The following PCDH7 variants were observed in gnomAD, a reference collection of about 807,000 sequenced individuals.
PCDH7 encodes protocadherin-7.
PCDH7 carries 17 observed loss-of-function variants against 58.9 expected under a neutral mutation model. The observed-to-expected ratio is 0.29, with a 90% CI of 0.20 to 0.43. The LOEUF (loss-of-function observed/expected upper bound fraction) is 0.43. Among genes scored for constraint, PCDH7 ranks in the 20% least tolerant of loss-of-function variants. The pLI is 1.00. For missense variants in PCDH7, 1,274 were observed against 1,441.0 expected, an observed-to-expected ratio of 0.88 and a Z score of 1.88; for synonymous variants, 664 against 616.4, an observed-to-expected ratio of 1.08 and a Z score of -1.14.
intron 3 of PCDH7, among the ~76,000 whole-genome samples, chr4:30,975,247 CATTA>C (rs1749971559): frequency 6.7e-6 from 1 of 150,244 alleles, no homozygotes; most frequent in Non-Finnish European, 1.5e-5. Context: ...TTTCAATGAA[CATTA>C]ATTGTCTGCA....
chr4:31,080,249 A>C (rs2109267433), intron 3 of PCDH7, among the ~76,000 whole-genome samples: 1 of 150,436 alleles, frequency 6.6e-6, no homozygotes, highest in Non-Finnish European at 1.5e-5. Flanking sequence ...CCCCCTACAA[A>C]TCTGTAGATA....
At chr4:31,133,298 T>C (rs534920999) in intron 3 of PCDH7, among the ~76,000 whole-genome samples, 9 of 152,194 alleles carry the variant, frequency 5.9e-5, no homozygotes, top group South Asian at 2.1e-4. Context: ...ATATTTGCAT[T>C]TATGTGAGGA....
chr4:30,797,363 C>G (rs1035641950), intron 1 of PCDH7, among the ~76,000 whole-genome samples: 2 of 151,818 alleles, frequency 1.3e-5, no homozygotes, highest in African/African-American at 4.8e-5. Context: ...AGTTCCGCCT[C>G]CCGGGTTCAC....
rs904082030 is a variant in PCDH7, at chr4:31,037,519, T to C, written c.*7+87304T>C. ...TTCTATGTTACTGGGAACCTAATAA[T>C]TGATGAGTGCCTTGAGAATATGGGC... is the stretch of plus-strand genomic sequence containing the variant. On this transcript the variant is annotated intron_variant, in intron 3 of 3. Coordinates refer to the PCDH7 transcript ENST00000509759. Among the ~76,000 whole-genome samples, 29 of 152,314 alleles carry C rather than the reference T, an allele frequency of 1.9e-4. 1 individual carries two copies. Among genetic ancestry groups the C allele is most frequent in the African/African-American group, 6.7e-4 (28 of 41,574 alleles).
chr4:31,035,253 T>G (rs1444032291), intron 3 of PCDH7, among the ~76,000 whole-genome samples: 3 of 137,212 alleles, frequency 2.2e-5, no homozygotes, highest in Non-Finnish European at 4.7e-5. Flanking sequence ...TTCCCTTTTT[T>G]TTTTTTTTTT....
At chr4:30,847,017 G>A (rs1185256537) in intron 1 of PCDH7, among the ~76,000 whole-genome samples, 1 of 151,998 alleles carries the variant, frequency 6.6e-6, no homozygotes, top group Non-Finnish European at 1.5e-5. Flanking sequence ...CAGCTACCTG[G>A]GAGGCTGAGG....
Position 30,892,959 on chromosome 4 carries a change from G to A in PCDH7, c.71-27194G>A, listed in dbSNP as rs1348577843. 2.0e-5 allele frequency among the ~76,000 whole-genome samples: 3 copies of A among 151,974 alleles called. No homozygotes were observed. In the East Asian group the frequency reaches 5.8e-4, roughly 29 times the overall value. On this transcript the variant is annotated intron_variant, in intron 1 of 3. Transcript: ENST00000509759. ...ACTTCCTGTTACCACTGTTAAATAG[G>A]CCACATTTCTTTCCACAACTGTTTA... is the stretch of plus-strand genomic sequence containing the variant.
chr4:30,747,080 T>G (rs1479275698), intron 1 of PCDH7, among the ~76,000 whole-genome samples: 4 of 152,216 alleles, frequency 2.6e-5, no homozygotes, highest in Admixed American at 2.6e-4. Context: ...TTGAATTATT[T>G]TTTCCATCAT....
At chr4:30,769,755 A>G (rs1721174601) in intron 1 of PCDH7, among the ~76,000 whole-genome samples, 1 of 152,198 alleles carries the variant, frequency 6.6e-6, no homozygotes, top group Admixed American at 6.5e-5. Context: ...TTTATCTTAC[A>G]TAATTCTTTA....
At position 30,850,370 on chromosome 4, in the gene PCDH7, C is replaced by G. The variant is rs185378336; in HGVS notation, c.71-69783C>G. On this transcript the variant is annotated intron_variant, in intron 1 of 3. Transcript: ENST00000509759. ...TCTACCTTCAATTTTAATAACTGCT[C>G]TTCTCTTCATTCCTCTGACCAAGCC... is the stretch of plus-strand genomic sequence containing the variant. Among the ~76,000 whole-genome samples the G allele has an allele frequency of 2.7e-3, 417 of 152,124 alleles. 2 individuals carry two copies. Among genetic ancestry groups the G allele is most frequent in the Non-Finnish European group, 4.8e-3 (328 of 67,998 alleles).
chr4:30,830,554 T>C (rs1210763009), intron 1 of PCDH7, among the ~76,000 whole-genome samples: 5 of 152,050 alleles, frequency 3.3e-5, no homozygotes, highest in Non-Finnish European at 7.4e-5. Context: ...CGTGTCTGGC[T>C]CTCATTTCCT....
intron 1 of PCDH7, among the ~76,000 whole-genome samples, chr4:30,857,103 C>T (rs1270465976): frequency 6.6e-6 from 1 of 152,044 alleles, no homozygotes; most frequent in Non-Finnish European, 1.5e-5. Context: ...TTTTCAAACC[C>T]ACTGTCAAAA....
At chr4:31,039,268 G>A (rs1406580183) in intron 3 of PCDH7, among the ~76,000 whole-genome samples, 2 of 152,210 alleles carry the variant, frequency 1.3e-5, no homozygotes, top group Non-Finnish European at 2.9e-5. Context: ...ACCATCAGAG[G>A]CAAATATTAG....
intron 1 of PCDH7, among the ~76,000 whole-genome samples, chr4:30,837,380 G>A (rs554054308): frequency 1.3e-3 from 193 of 151,924 alleles, no homozygotes; most frequent in African/African-American, 4.3e-3. Flanking sequence ...AAGCCCTTCT[G>A]TAACTAGCCA....
intron 1 of PCDH7, among the ~76,000 whole-genome samples, chr4:30,905,843 C>A (rs926011727): frequency 6.6e-6 from 1 of 152,158 alleles, no homozygotes; most frequent in African/African-American, 2.4e-5. Flanking sequence ...CCTTGCTATC[C>A]TCTGCTATTA....
At chr4:31,026,727 G>C (rs1754463767) in intron 3 of PCDH7, among the ~76,000 whole-genome samples, 1 of 151,858 alleles carries the variant, frequency 6.6e-6, no homozygotes, top group Non-Finnish European at 1.5e-5. Flanking sequence ...ATAGAAATAT[G>C]TTGCACTATT....
intron 3 of PCDH7, among the ~76,000 whole-genome samples, chr4:31,091,442 A>T (rs1297289185): frequency 6.6e-6 from 1 of 151,846 alleles, no homozygotes; most frequent in Non-Finnish European, 1.5e-5. Flanking sequence ...TTGAAAAGGA[A>T]CTTGAATTCC....
At chr4:30,741,215 T>G (rs187723685) in intron 1 of PCDH7, among the ~76,000 whole-genome samples, 1 of 152,258 alleles carries the variant, frequency 6.6e-6, no homozygotes, top group Admixed American at 6.5e-5. Flanking sequence ...CTTAGTCCAC[T>G]TATGCATTTA....
chr4:31,107,096 T>A (rs1402337112), intron 3 of PCDH7, among the ~76,000 whole-genome samples: 1 of 152,200 alleles, frequency 6.6e-6, no homozygotes, highest in Non-Finnish European at 1.5e-5. Flanking sequence ...AACTGTTTTT[T>A]AATAATAGTT....
Sources: gnomAD v4.1 joint callset for allele counts (sites outside exome capture counted in the v4.1 genomes callset) on GRCh38, gnomAD v4.1.1 for gene constraint, MANE v1.5 for transcripts, NCBI Gene and HGNC (gene_info 2026-07-23, HGNC 2026-07-21) for gene names.